Variants in MYO10 observed in about 807,000 individuals in gnomAD.
MYO10 encodes myosin X.
A neutral mutation model predicts 257.3 loss-of-function variants in MYO10; 133 were observed. The ratio of observed to expected loss-of-function variants is 0.52; its 90% CI spans 0.45 to 0.60. The LOEUF is 0.60. Among genes scored for constraint, MYO10 ranks in the 20% least tolerant of loss-of-function variants. The probability of loss-of-function intolerance (pLI) is 0.00; values close to 1 mark genes in which losing one functional copy is unlikely to be tolerated. For synonymous variants in MYO10, 1,104 were observed against 1,028.6 expected, an observed-to-expected ratio of 1.07 and a Z score of -1.40; for missense variants, 2,399 against 2,635.7, an observed-to-expected ratio of 0.91 and a Z score of 1.97.
chr5:16,832,982 C>G (rs538169883), intron 2 of MYO10, among the ~76,000 whole-genome samples: 1 of 151,996 alleles, frequency 6.6e-6, no homozygotes, highest in Non-Finnish European at 1.5e-5. Flanking sequence ...AATCTAGAAT[C>G]CACCTTCTCT....
chr5:16,912,797 A>G (rs1015577770), intron 1 of MYO10, among the ~76,000 whole-genome samples: 12 of 85,140 alleles, frequency 1.4e-4, no homozygotes, highest in Non-Finnish European at 2.5e-4. Context: ...TTCACCTACC[A>G]CCCTGCACAC....
intron 19 of MYO10, among the ~76,000 whole-genome samples, chr5:16,716,640 T>C (rs1251335808): frequency 6.6e-6 from 1 of 151,764 alleles, no homozygotes; most frequent in Admixed American, 6.6e-5. Flanking sequence ...TTTTCAGCAT[T>C]TGAGAAACTC....
At position 16,670,525 on chromosome 5, in the gene MYO10, C is replaced by T; in HGVS notation, c.5883+1G>A. 6.3e-7 allele frequency: 1 copy of T among 1,598,048 alleles called. No homozygotes were observed. The highest frequency in any genetic ancestry group is 8.5e-7 in the Non-Finnish European group (1 of 1,170,538). On this transcript the variant is annotated splice_donor_variant, in intron 39 of 40. Coordinates refer to ENST00000513610, the MANE Select transcript of MYO10 (RefSeq NM_012334.3). LOFTEE classifies it high-confidence loss of function. The stretch of plus-strand genomic sequence containing the variant: ...CCCAACACACGGCAGCCAGTTCTCA[C>T]CTCCACATCAAACAGCGTCGAGCCA...
At position 16,879,686 on chromosome 5, in the gene MYO10, T is replaced by A. The variant is rs145508055; in HGVS notation, c.22-1979A>T. On this transcript the variant is annotated intron_variant, in intron 1 of 40. Transcript: ENST00000513610. ...GACTCCACTTGTCTCCTGAAAATAA[T>A]TCATAAATAAATCAAAGGCACTCAT... 8.5e-5 allele frequency among the ~76,000 whole-genome samples: 13 copies of A among 152,254 alleles called. No homozygotes were observed. The East Asian group carries it at 2.5e-3, about 29-fold the overall frequency.
intron 2 of MYO10, among the ~76,000 whole-genome samples, chr5:16,873,651 C>A (rs1744509134): frequency 1.3e-5 from 2 of 152,254 alleles, no homozygotes; most frequent in Non-Finnish European, 2.9e-5. Context: ...GGCATTTCCA[C>A]ACATCTTCTG....
In MYO10 at chr5:16,663,328, G is replaced by GTTTTTTTTTTTT. The variant is rs70940395; in HGVS notation, c.*3352_*3363dup. On this transcript the variant is annotated 3_prime_UTR_variant, in exon 41 of 41. Coordinates refer to ENST00000513610, the MANE Select transcript of MYO10 (RefSeq NM_012334.3). ...AAAAAGTAACATTTTACTTCTAGTT[G>GTTTTTTTTTTTT]TTTTTTTTTTTTTTTTTTTTTTTTT... 12 of 76,886 alleles carry GTTTTTTTTTTTT rather than the reference G, an allele frequency of 1.6e-4. No homozygotes were observed. Among genetic ancestry groups the GTTTTTTTTTTTT allele is most frequent in the East Asian group, 3.7e-4 (1 of 2,722 alleles). 4.8% of individuals were successfully genotyped at this position (76,886 alleles called of 1,614,324 possible). A position where few individuals can be genotyped will look rare whatever the true frequency, so the allele number is the denominator to read the frequency against.
chr5:16,815,952 C>T (rs1045750436), intron 3 of MYO10, among the ~76,000 whole-genome samples: 1 of 150,446 alleles, frequency 6.6e-6, no homozygotes, highest in African/African-American at 2.5e-5. Flanking sequence ...CAGAGGAAGA[C>T]AGCATGATTG....
At chr5:16,715,391 A>ATTT (rs1738812871) in intron 19 of MYO10, among the ~76,000 whole-genome samples, 3 of 63,282 alleles carry the variant, frequency 4.7e-5, no homozygotes, top group Non-Finnish European at 1.0e-4. Context: ...GTAAGATTGA[A>ATTT]ATTTTTTTTT....
intron 4 of MYO10, among the ~76,000 whole-genome samples, chr5:16,787,683 T>TG (rs35039354): frequency 0.27 from 40,623 of 150,010 alleles, 5,643 homozygotes; most frequent in African/African-American, 0.3. Context: ...AAAGCACTGA[T>TG]GGGGGGCCAC....
At chr5:16,766,530 C>T (rs1358477597) in intron 10 of MYO10, among the ~76,000 whole-genome samples, 5 of 151,802 alleles carry the variant, frequency 3.3e-5, no homozygotes, top group East Asian at 3.9e-4. Flanking sequence ...CCCGGGTTCA[C>T]GCCATTCTCC....
chr5:16,755,516 T>C (rs985258909), intron 18 of MYO10, among the ~76,000 whole-genome samples: 4 of 152,228 alleles, frequency 2.6e-5, no homozygotes, highest in African/African-American at 7.2e-5. Context: ...AAAATCATCC[T>C]AGGATATTTC....
Position 16,668,915 on chromosome 5 carries a change from C to T in MYO10, c.5884-447G>A, listed in dbSNP as rs536129191. 2.6e-5 allele frequency among the ~76,000 whole-genome samples: 4 copies of T among 152,310 alleles called. No individual in the cohort carries two copies. In the South Asian group the frequency reaches 8.3e-4, roughly 32 times the overall value. ...AGTCTTCAAATACAAAATCTAGGAT[C>T]ACAGAGGAAAATTCTCCAAATCACG... On this transcript the variant is annotated intron_variant, in intron 39 of 40. Coordinates refer to ENST00000513610, the MANE Select transcript of MYO10 (RefSeq NM_012334.3).
At chr5:16,702,386 T>C (rs758628350) in intron 24 of MYO10, among the ~76,000 whole-genome samples, 157 bp downstream of exon 24, 7 of 152,256 alleles carry the variant, frequency 4.6e-5, no homozygotes, top group Non-Finnish European at 8.8e-5. Context: ...CTTTACCCAA[T>C]TGTAATAGGT....
At chr5:16,928,650 T>C (rs1243661915) in intron 1 of MYO10, among the ~76,000 whole-genome samples, 2 of 151,804 alleles carry the variant, frequency 1.3e-5, no homozygotes, top group Non-Finnish European at 2.9e-5. Flanking sequence ...TCGAGACCAT[T>C]CTGGCCAACA....
intron 1 of MYO10, chr5:16,916,325 C>T: frequency 3.4e-6 from 1 of 293,678 alleles, no homozygotes; most frequent in South Asian, 2.8e-5. Context: ...TATTCCCAAT[C>T]AATAAGAAAA....
chr5:16,900,690 T>C (rs1405954178), intron 1 of MYO10, among the ~76,000 whole-genome samples: 1 of 150,690 alleles, frequency 6.6e-6, no homozygotes, highest in African/African-American at 2.4e-5. Flanking sequence ...CTTCATTCTA[T>C]GCCAACTAGC....
intron 2 of MYO10, among the ~76,000 whole-genome samples, chr5:16,837,351 T>C (rs1372545239): frequency 2.0e-5 from 3 of 152,106 alleles, no homozygotes; most frequent in Non-Finnish European, 4.4e-5. Flanking sequence ...GTAAATATGC[T>C]AAGTGAAAGA....
At chr5:16,686,895 G>C (rs1726891608) in intron 28 of MYO10, among the ~76,000 whole-genome samples, 1 of 152,136 alleles carries the variant, frequency 6.6e-6, no homozygotes, top group African/African-American at 2.4e-5. Context: ...TTCTACTCAA[G>C]TCAATAAAAC....
Position 16,664,383 on chromosome 5 carries a change from TTC to T in MYO10, c.*2307_*2308del, listed in dbSNP as rs1375972363. 6.6e-6 allele frequency: 1 copy of T among 152,178 alleles called. No homozygotes were observed. The highest frequency in any genetic ancestry group is 1.5e-5 in the Non-Finnish European group (1 of 68,032). The allele number at this position is 152,178 out of a possible 1,614,324, so 9.4% of individuals were successfully genotyped here. Reference sequence around the variant, plus strand: ...GAGAGGTGAGCAGTAGAAAGAAGACTTCTGTCAAATTCTTTCTGAGCCTAAAA... The same window carrying T: ...GAGAGGTGAGCAGTAGAAAGAAGACTTGTCAAATTCTTTCTGAGCCTAAAA... On this transcript the variant is annotated 3_prime_UTR_variant, in exon 41 of 41. Transcript: ENST00000513610.
Sources: allele counts gnomAD v4.1 joint callset (sites outside exome capture counted in the v4.1 genomes callset), GRCh38; gene constraint gnomAD v4.1.1; transcripts MANE v1.5; gene names NCBI Gene and HGNC (gene_info 2026-07-23, HGNC 2026-07-21).